LTBP1: variants seen among roughly 807,000 people sequenced by gnomAD.
The protein encoded by LTBP1 is latent-transforming growth factor beta-binding protein 1.
In LTBP1, 129 loss-of-function variants were observed where a neutral mutation model predicts 207.6. That is an observed-to-expected ratio of 0.62 (90% CI 0.54 to 0.72). The LOEUF is 0.72. LTBP1 is among the 30% of genes least tolerant of loss of function. LTBP1 has a pLI of 0.00. For synonymous variants in LTBP1, 963 were observed against 833.7 expected, an observed-to-expected ratio of 1.16 and a Z score of -2.67; for missense variants, 2,281 against 2,217.2, an observed-to-expected ratio of 1.03 and a Z score of -0.58.
intron 2 of LTBP1, among the ~76,000 whole-genome samples, chr2:32,992,640 C>T (rs1002842142): frequency 2.6e-5 from 4 of 152,146 alleles, no homozygotes; most frequent in Non-Finnish European, 4.4e-5. Context: ...GCTTCGGCAT[C>T]TTAGTCTGAA....
intron 3 of LTBP1, among the ~76,000 whole-genome samples, chr2:33,053,427 CATCT>C (rs2076840983): frequency 6.6e-6 from 1 of 152,062 alleles, no homozygotes; most frequent in Non-Finnish European, 1.5e-5. Context: ...TGTATAATGA[CATCT>C]ATCTATCATT....
chr2:33,349,389 A>C (rs1447608105), intron 26 of LTBP1, among the ~76,000 whole-genome samples: 3 of 152,090 alleles, frequency 2.0e-5, no homozygotes, highest in African/African-American at 7.2e-5. Flanking sequence ...GCAGTGAGCT[A>C]AGATCACACC....
chr2:33,326,640 A>AATTTATTTATTT (rs10529829), intron 24 of LTBP1, among the ~76,000 whole-genome samples: 3,052 of 144,624 alleles, frequency 0.021, 124 homozygotes, highest in African/African-American at 0.071. Flanking sequence ...TGAGGGATAT[A>AATTTATTTATTT]ATTTATTTAT....
rs546764927 is a variant in LTBP1, at chr2:33,184,188, G to T, written c.1202-2668G>T. Among the ~76,000 whole-genome samples, 8 of 152,090 alleles carry T rather than the reference G, an allele frequency of 5.3e-5. No individual in the cohort carries two copies. In the South Asian group the frequency reaches 1.2e-3, roughly 24 times the overall value. Reference sequence around the variant, plus strand: ...CCCACTCTACTCTCTCTCCTTTCCAGCTAATCCCGCATGCCATCACTGGAG... The same window carrying T: ...CCCACTCTACTCTCTCTCCTTTCCATCTAATCCCGCATGCCATCACTGGAG... On this transcript the variant is annotated intron_variant, in intron 5 of 33. Transcript: ENST00000404816.
chr2:33,106,315 A>G (rs1053025580), intron 3 of LTBP1, among the ~76,000 whole-genome samples: 13 of 152,214 alleles, frequency 8.5e-5, no homozygotes, highest in Non-Finnish European at 1.2e-4. Context: ...ACCTCCTCCC[A>G]TGAATCACAA....
intron 24 of LTBP1, among the ~76,000 whole-genome samples, chr2:33,328,565 G>A (rs2094457686): frequency 6.6e-6 from 1 of 152,144 alleles, no homozygotes; most frequent in Admixed American, 6.5e-5. Context: ...CGCAAGCAGG[G>A]AAAATGCCAG....
chr2:33,267,172 C>G (rs1280775634), intron 15 of LTBP1, among the ~76,000 whole-genome samples: 1 of 152,260 alleles, frequency 6.6e-6, no homozygotes, highest in Non-Finnish European at 1.5e-5. Context: ...GCTGCCCAGT[C>G]TGCTACAGCA....
chr2:33,114,710 G>C (rs1468795147), intron 4 of LTBP1, among the ~76,000 whole-genome samples: 2 of 152,116 alleles, frequency 1.3e-5, no homozygotes, highest in Non-Finnish European at 2.9e-5. Flanking sequence ...ACAGCAATTG[G>C]GAAAGGAATG....
chr2:33,204,178 G>A (rs1273645204), intron 7 of LTBP1, among the ~76,000 whole-genome samples: 3 of 152,148 alleles, frequency 2.0e-5, no homozygotes, highest in African/African-American at 7.2e-5. Context: ...GACCATGATA[G>A]TACTGTTTTT....
At chr2:33,203,091 GGC>G (rs2089496058) in intron 7 of LTBP1, among the ~76,000 whole-genome samples, 2 of 151,464 alleles carry the variant, frequency 1.3e-5, no homozygotes, top group Non-Finnish European at 2.9e-5. Flanking sequence ...GCTCTAAAAT[GGC>G]TGCTCTCTGT....
chr2:33,168,908 T>C (rs1016571781), intron 5 of LTBP1, among the ~76,000 whole-genome samples: 5 of 152,226 alleles, frequency 3.3e-5, no homozygotes, highest in Admixed American at 1.3e-4. Flanking sequence ...AGTTTGCTAC[T>C]CAGAAGAGAG....
intron 12 of LTBP1, among the ~76,000 whole-genome samples, chr2:33,257,870 T>C (rs2092906416): frequency 6.6e-6 from 1 of 152,176 alleles, no homozygotes; most frequent in Admixed American, 6.5e-5. Flanking sequence ...ATTTCTGAAG[T>C]GGAATCCACA....
chr2:33,275,712 T>C (rs2093412065), intron 17 of LTBP1, 89 bp from the exon 18 acceptor site: 1 of 1,448,362 alleles, frequency 6.9e-7, no homozygotes. Context: ...AGTTACTTCG[T>C]TATTATATTT....
intron 2 of LTBP1, among the ~76,000 whole-genome samples, chr2:33,019,692 A>G (rs1045932085): frequency 1.3e-5 from 2 of 150,604 alleles, no homozygotes; most frequent in South Asian, 2.1e-4. Context: ...TACTCTACCA[A>G]TGACCCACAG....
rs141069280 is a variant in LTBP1, at chr2:33,320,582, A to C, written c.3730+5313A>C. 8.0e-4 allele frequency among the ~76,000 whole-genome samples: 122 copies of C among 152,266 alleles called. 2 individuals are homozygous for C. The highest frequency in any genetic ancestry group is 2.7e-3 in the African/African-American group (111 of 41,546). On this transcript the variant is annotated intron_variant, in intron 24 of 33. Coordinates refer to ENST00000404816, the MANE Select transcript of LTBP1 (RefSeq NM_206943.4). ...CCATATGAAGTGCCTGTCATGTTCA[A>C]ACTGGTCTTCTACTGGCGAAGTGAT... is the stretch of plus-strand genomic sequence containing the variant.
intron 5 of LTBP1, among the ~76,000 whole-genome samples, chr2:33,168,424 GA>G (rs1378619738): frequency 2.0e-5 from 3 of 146,516 alleles, no homozygotes; most frequent in African/African-American, 7.5e-5. Context: ...AAAGAAAAAA[GA>G]AAAAAAAGAA....
At chr2:33,222,019 C>T in intron 8 of LTBP1, 61 bp from the exon 9 acceptor site, 2 of 1,245,930 alleles carry the variant, frequency 1.6e-6, no homozygotes, top group East Asian at 2.3e-5. Context: ...TCAGATATCA[C>T]TTACACTAGT....
chr2:33,141,550 G>C (rs972681101), intron 5 of LTBP1, among the ~76,000 whole-genome samples: 2 of 152,300 alleles, frequency 1.3e-5, no homozygotes, highest in East Asian at 3.9e-4. Context: ...ATGTCAGGAA[G>C]TGATAGACAC....
intron 31 of LTBP1, among the ~76,000 whole-genome samples, chr2:33,375,590 C>T (rs941477530): frequency 7.2e-5 from 11 of 152,236 alleles, no homozygotes; most frequent in East Asian, 3.9e-4. Context: ...TGCAGTGGCA[C>T]GATCTCGGCT....
Sources: allele counts gnomAD v4.1 joint callset (sites outside exome capture counted in the v4.1 genomes callset), GRCh38; gene constraint gnomAD v4.1.1; transcripts MANE v1.5; gene names NCBI Gene and HGNC (gene_info 2026-07-23, HGNC 2026-07-21).